The following PTBP3 variants were observed in gnomAD, a reference collection of about 807,000 sequenced individuals.
PTBP3 encodes the protein polypyrimidine tract binding protein 3, also known as polypyrimidine tract-binding protein 3.
PTBP3 carries 20 observed loss-of-function variants against 58.7 expected under a neutral mutation model. The ratio of observed to expected loss-of-function variants is 0.34; its 90% CI spans 0.24 to 0.50. The LOEUF (loss-of-function observed/expected upper bound fraction) is 0.50, where lower values mean the gene tolerates loss of function less well. Among genes scored for constraint, PTBP3 ranks in the 20% least tolerant of loss-of-function variants. PTBP3 has a pLI of 0.98. For missense variants in PTBP3, 509 were observed against 637.2 expected (o/e 0.80, Z 2.17); for synonymous variants, 185 against 219.8 (o/e 0.84, Z 1.40).
intron 4 of PTBP3, among the ~76,000 whole-genome samples, chr9:112,263,061 A>G (rs1170417089): frequency 6.6e-6 from 1 of 152,210 alleles, no homozygotes; most frequent in East Asian, 1.9e-4. Context: ...CAAGAAGAGT[A>G]TAAAATATTT....
chr9:112,289,326 T>C (rs1343855783), intron 2 of PTBP3, among the ~76,000 whole-genome samples: 3 of 152,186 alleles, frequency 2.0e-5, no homozygotes, highest in Admixed American at 6.5e-5. Flanking sequence ...GTCTTCTACA[T>C]TGCTTATATC....
chr9:112,332,383 A>ATCT (rs61575585), intron 1 of PTBP3, among the ~76,000 whole-genome samples: 128,797 of 151,932 alleles, frequency 0.85, 55,002 homozygotes, highest in African/African-American at 0.95. Context: ...GGAAGATTTC[A>ATCT]TCTTCAAATA....
intron 1 of PTBP3, 26 bp downstream of exon 1, chr9:112,333,443 GC>G: frequency 1.3e-6 from 2 of 1,571,772 alleles, no homozygotes; most frequent in Non-Finnish European, 8.6e-7. Context: ...GCAACCCGGT[GC>G]GGCCGCCGCG....
intron 1 of PTBP3, among the ~76,000 whole-genome samples, chr9:112,318,348 T>C (rs1829790155): frequency 6.6e-6 from 1 of 152,224 alleles, no homozygotes; most frequent in Admixed American, 6.5e-5. Context: ...ATATGCAAAG[T>C]ATTTCTATAT....
At chr9:112,256,424 C>T (rs1483514880) in intron 5 of PTBP3, among the ~76,000 whole-genome samples, 1 of 151,368 alleles carries the variant, frequency 6.6e-6, no homozygotes, top group Non-Finnish European at 1.5e-5. Flanking sequence ...ATCATTTCTG[C>T]ATCATTAAGC....
At chr9:112,253,915 T>C (rs994314507) in intron 5 of PTBP3, among the ~76,000 whole-genome samples, 2 of 152,210 alleles carry the variant, frequency 1.3e-5, no homozygotes, top group Admixed American at 6.5e-5. Context: ...AGTATCTTTA[T>C]AGCAGTGTGA....
At chr9:112,256,547 T>C (rs2132103840) in intron 5 of PTBP3, among the ~76,000 whole-genome samples, 1 of 152,100 alleles carries the variant, frequency 6.6e-6, no homozygotes, top group Non-Finnish European at 1.5e-5. Context: ...TTTTTCCTTT[T>C]TAAGAGATGG....
chr9:112,290,684 AAAAATATATAT>A (rs1235259708), intron 2 of PTBP3, among the ~76,000 whole-genome samples: 1 of 60,402 alleles, frequency 1.7e-5, no homozygotes, highest in African/African-American at 1.1e-4. Flanking sequence ...AAAAAAAAAA[AAAAATATATAT>A]ATATATATAT....
chr9:112,290,699 T>TACACACACACACACAC lies in PTBP3; in HGVS notation c.34+7132_34+7133insGTGTGTGTGTGTGTGT, dbSNP rs1221818154. ...AAAAAAAAAAAAAAATATATATATA[T>TACACACACACACACAC]ATATATATACACACACACACACACA... On this transcript the variant is annotated intron_variant, in intron 2 of 13. Coordinates refer to ENST00000374257, the MANE Select transcript of PTBP3 (RefSeq NM_001163788.4). 4.6e-3 allele frequency among the ~76,000 whole-genome samples: 298 copies of TACACACACACACACAC among 64,538 alleles called. 1 individual carries two copies. Among genetic ancestry groups the TACACACACACACACAC allele is most frequent in the Middle Eastern group, 7.1e-3 (1 of 140 alleles). 42.3% of individuals were successfully genotyped at this position (64,538 alleles called of 152,430 possible).
intron 5 of PTBP3, among the ~76,000 whole-genome samples, chr9:112,256,684 T>C (rs933228212): frequency 5.3e-5 from 8 of 151,942 alleles, no homozygotes; most frequent in African/African-American, 1.2e-4. Flanking sequence ...CCACCATGCA[T>C]GGCTAATTTT....
upstream of PTBP3, among the ~76,000 whole-genome samples, chr9:112,335,835 G>C (rs1385660064): frequency 6.8e-6 from 1 of 147,986 alleles, no homozygotes; most frequent in Non-Finnish European, 1.5e-5. Context: ...TGAGACAGGA[G>C]AATCTCAACC....
At chr9:112,230,952 G>A (rs747299958) in intron 10 of PTBP3, among the ~76,000 whole-genome samples, 16 of 150,946 alleles carry the variant, frequency 1.1e-4, no homozygotes, top group Admixed American at 2.0e-4. Context: ...AGCTCTTCAC[G>A]ATTTTGACCC....
chr9:112,273,396 TCTAA>T (rs775056195), intron 3 of PTBP3, among the ~76,000 whole-genome samples: 1 of 152,254 alleles, frequency 6.6e-6, no homozygotes, highest in African/African-American at 2.4e-5. Context: ...CTAGCTTGTT[TCTAA>T]CTGTTTTTAA....
chr9:112,286,106 T>G (rs1328839103), intron 2 of PTBP3, among the ~76,000 whole-genome samples: 2 of 152,226 alleles, frequency 1.3e-5, no homozygotes, highest in Non-Finnish European at 2.9e-5. Flanking sequence ...CAACTTTTCC[T>G]GATATTAGTA....
Position 112,222,371 on chromosome 9 carries a change from T to C in PTBP3, c.*1480A>G, listed in dbSNP as rs1834836866. ...ATAACCCACCTTCTCATACTCCAAATACGTGGGTACTCAGTAATGAAAGTC... is the reference window on the plus strand; with the variant it reads ...ATAACCCACCTTCTCATACTCCAAACACGTGGGTACTCAGTAATGAAAGTC... On this transcript the variant is annotated 3_prime_UTR_variant, in exon 14 of 14. Transcript: ENST00000374257. 1.0e-6 allele frequency: 1 copy of C among 985,714 alleles called. No homozygotes were observed. Among genetic ancestry groups the C allele is most frequent in the Non-Finnish European group, 1.2e-6 (1 of 829,874 alleles). 61.1% of individuals were successfully genotyped at this position (985,714 alleles called of 1,614,324 possible).
At chr9:112,346,654 A>G in the PTBP3 span, among the ~76,000 whole-genome samples, 1 of 152,366 alleles carries the variant, frequency 6.6e-6, no homozygotes, top group East Asian at 1.9e-4. Flanking sequence ...ATATGACTTT[A>G]GGATATAAAA....
Position 112,223,675 on chromosome 9 carries a change from C to T in PTBP3, c.*176G>A, listed in dbSNP as rs1401745027. 1.9e-5 allele frequency: 25 copies of T among 1,292,710 alleles called. No individual in the cohort carries two copies. The highest frequency in any genetic ancestry group is 2.3e-5 in the Non-Finnish European group (23 of 1,019,870). 80.1% of individuals were successfully genotyped at this position (1,292,710 alleles called of 1,614,324 possible). ...AAAGGGAAAAGAAACCTTTGACTGG[C>T]GGGGGCAGGGGGAATACAAAAAAAA... is the stretch of plus-strand genomic sequence containing the variant. On this transcript the variant is annotated 3_prime_UTR_variant, in exon 14 of 14. Transcript: ENST00000374257.
chr9:112,276,751 T>A lies in PTBP3; in HGVS notation c.35-738A>T, dbSNP rs538918240. ...GAATTACTGCTGTAAAGTAAAAAAATTCATTATCTAAGCTAAATTTATTTA... is the reference window on the plus strand; with the variant it reads ...GAATTACTGCTGTAAAGTAAAAAAAATCATTATCTAAGCTAAATTTATTTA... On this transcript the variant is annotated intron_variant, in intron 2 of 13. Transcript: ENST00000374257. Among the ~76,000 whole-genome samples, 4 of 152,258 alleles carry A rather than the reference T, an allele frequency of 2.6e-5. No homozygotes were observed. The South Asian group carries it at 8.3e-4, about 32-fold the overall frequency.
At chr9:112,302,397 GCTGTGAGGAACCAA>G (rs11269495) in intron 1 of PTBP3, among the ~76,000 whole-genome samples, 127,610 of 151,858 alleles carry the variant, frequency 0.84, 53,915 homozygotes, top group African/African-American at 0.92. Flanking sequence ...CAAGTTACCT[GCTGTGAGGAACCAA>G]CTCTTTTCAT....
Sources: gnomAD v4.1 joint callset for allele counts (sites outside exome capture counted in the v4.1 genomes callset) on GRCh38, gnomAD v4.1.1 for gene constraint, MANE v1.5 for transcripts, NCBI Gene and HGNC (gene_info 2026-07-23, HGNC 2026-07-21) for gene names.